The following PSMD7 variants were observed in gnomAD, a reference collection of about 807,000 sequenced individuals.
PSMD7 encodes the protein proteasome 26S subunit, non-ATPase 7, also known as 26S proteasome non-ATPase regulatory subunit 7.
Under a neutral mutation model 36.4 loss-of-function variants are expected in PSMD7, and 13 were observed. The ratio of observed to expected loss-of-function variants is 0.36; its 90% CI spans 0.23 to 0.57. PSMD7 has a LOEUF of 0.57. Among genes scored for constraint, PSMD7 ranks in the 20% least tolerant of loss-of-function variants. The pLI, the probability that PSMD7 is intolerant of heterozygous loss-of-function variation, is 0.83. For missense variants in PSMD7, 298 were observed against 393.6 expected (o/e 0.76, Z 2.06); for synonymous variants, 186 against 151.0 (o/e 1.23, Z -1.70).
intron 1 of PSMD7, chr16:74,299,444 ACTGTAGCTAG>A: frequency 2.6e-6 from 1 of 381,630 alleles, no homozygotes; most frequent in Non-Finnish European, 5.5e-6. Context: ...ATCTCAGCTC[ACTGTAGCTAG>A]CCTCAAACTC....
At chr16:74,300,815 C>A (rs2142562962) in intron 2 of PSMD7, among the ~76,000 whole-genome samples, 1 of 152,260 alleles carries the variant, frequency 6.6e-6, no homozygotes, top group South Asian at 2.1e-4. Context: ...GGGGGCAGCC[C>A]CTACCTGGCT....
At chr16:74,302,998 T>C (rs2034167128) in intron 5 of PSMD7, among the ~76,000 whole-genome samples, 1 of 152,236 alleles carries the variant, frequency 6.6e-6, no homozygotes, top group African/African-American at 2.4e-5. Flanking sequence ...CTTTCATCCC[T>C]GGTTTTGACC....
Position 74,300,204 on chromosome 16 carries a change from C to T in PSMD7, c.164C>T (p.Ala55Val). 1.2e-6 allele frequency: 2 copies of T among 1,612,270 alleles called. No individual in the cohort carries two copies. The highest frequency in any genetic ancestry group is 1.7e-6 in the Non-Finnish European group (2 of 1,178,308). Residue 55 changes from alanine to valine, a missense_variant and splice_region_variant, in exon 2 of 7, where the codon GCA (alanine) becomes GTA (valine). Ala to Val is a moderately conservative substitution (Grantham distance 64, BLOSUM62 0). Transcript: ENST00000219313. Reference sequence around the variant, plus strand: ...GTACTTGATGTATCGAACAGTTTTGCAGGTAAAAGACAAATTTTATGTTTT... The same window carrying T: ...GTACTTGATGTATCGAACAGTTTTGTAGGTAAAAGACAAATTTTATGTTTT... ...KKVLDVSNSF[A>V]VPFDEDDKDD...
In PSMD7 at chr16:74,300,208, TAA is replaced by T. The variant is rs2034144966; in HGVS notation, c.166+5_166+6del. 2.5e-6 allele frequency: 4 copies of T among 1,611,036 alleles called. No homozygotes were observed. The highest frequency in any genetic ancestry group is 3.4e-6 in the Non-Finnish European group (4 of 1,177,210). On this transcript the variant is annotated splice_donor_region_variant and intron_variant, in intron 2 of 6. Coordinates refer to ENST00000219313, the MANE Select transcript of PSMD7 (RefSeq NM_002811.5). ...TTGATGTATCGAACAGTTTTGCAGG[TAA>T]AAGACAAATTTTATGTTTTTCCGAG... is the stretch of plus-strand genomic sequence containing the variant.
intron 6 of PSMD7, chr16:74,305,057 T>G (rs935154280): frequency 3.5e-6 from 2 of 573,246 alleles, no homozygotes; most frequent in Non-Finnish European, 5.5e-6. Flanking sequence ...CTCCCTTTTA[T>G]AATTGTTTTT....
At chr16:74,301,017 A>G (rs1220635836) in intron 2 of PSMD7, 35 bp from the exon 3 acceptor site, 1 of 1,351,840 alleles carries the variant, frequency 7.4e-7, no homozygotes, top group Non-Finnish European at 1.1e-6. Flanking sequence ...GGTTTCTATC[A>G]AGCACCCTAA....
At chr16:74,299,653 C>G (rs1025329396) in intron 1 of PSMD7, 1 of 429,710 alleles carries the variant, frequency 2.3e-6, no homozygotes, top group Non-Finnish European at 4.8e-6. Flanking sequence ...CTCAGCCTCT[C>G]GAAGTGCTGG....
intron 1 of PSMD7, among the ~76,000 whole-genome samples, chr16:74,298,873 C>G (rs555242419): frequency 6.6e-6 from 1 of 152,126 alleles, no homozygotes; most frequent in Non-Finnish European, 1.5e-5. Context: ...GACCCTGTCT[C>G]AAAAACAAAG....
At position 74,296,826 on chromosome 16, in the gene PSMD7, A is replaced by C; in HGVS notation, c.-89A>C. 1 of 1,374,578 alleles carries C rather than the reference A, an allele frequency of 7.3e-7. No homozygotes were observed. The highest frequency in any genetic ancestry group is 1.0e-6 in the Non-Finnish European group (1 of 978,598). 85.1% of individuals were successfully genotyped at this position (1,374,578 alleles called of 1,614,324 possible). On this transcript the variant is annotated 5_prime_UTR_variant, in exon 1 of 7. Coordinates refer to ENST00000219313, the MANE Select transcript of PSMD7 (RefSeq NM_002811.5). ...GGGCTGACGAACCGGAAGAAGAGGA[A>C]CTGGGCCTGAAAGGGTACCGGTGAC...
intron 3 of PSMD7, 83 bp downstream of exon 3, chr16:74,301,227 A>G: frequency 1.1e-6 from 1 of 896,010 alleles, no homozygotes; most frequent in Non-Finnish European, 1.7e-6. Context: ...CTTTAACATC[A>G]AGGGCCCTTT....
chr16:74,300,381 A>G (rs2034146282), intron 2 of PSMD7, 175 bp downstream of exon 2: 1 of 626,868 alleles, frequency 1.6e-6, no homozygotes, highest in East Asian at 2.8e-5. Context: ...AATATTTTAA[A>G]CTTGCAGGCC....
intron 4 of PSMD7, 45 bp downstream of exon 4, chr16:74,301,697 C>T: frequency 1.3e-6 from 2 of 1,511,138 alleles, no homozygotes; most frequent in Non-Finnish European, 1.8e-6. Context: ...TTTTTTTTGC[C>T]AGCCAGCTCA....
rs760086027 is a variant in PSMD7 at position 74,296,926 on chromosome 16, G to A, written c.12G>A (p.Leu4=). 16 of 1,613,326 alleles carry A rather than the reference G, an allele frequency of 9.9e-6. No homozygotes were observed. The South Asian group carries it at 1.8e-4, about 18-fold the overall frequency. MPE[L]AVQKVVVHPL... ...CGGGGTGTGTCGCGATGCCGGAGCT[G>A]GCAGTGCAGAAGGTGGTGGTCCACC... The change falls in exon 1 of 7, where the codon CTG becomes CTA. Residue 4 remains leucine (L), a synonymous_variant. Coordinates refer to ENST00000219313, the MANE Select transcript of PSMD7 (RefSeq NM_002811.5).
chr16:74,297,529 G>C (rs1027379568), intron 1 of PSMD7, among the ~76,000 whole-genome samples: 2 of 151,794 alleles, frequency 1.3e-5, no homozygotes, highest in Non-Finnish European at 2.9e-5. Flanking sequence ...GATGATGCTT[G>C]GGTGGGGCGG....
chr16:74,305,868 ACT>A lies in PSMD7; in HGVS notation c.*138_*139del. ...CAACAAGAGCTCTCTGCCTCCGGTC[ACT>A]CTTGCTGTGGTGCTACGTGGAAGTG... On this transcript the variant is annotated 3_prime_UTR_variant, in exon 7 of 7. Transcript: ENST00000219313. 9.6e-7 allele frequency: 1 copy of A among 1,043,956 alleles called. No homozygotes were observed. The highest frequency in any genetic ancestry group is 1.3e-6 in the Non-Finnish European group (1 of 784,714). 64.7% of individuals were successfully genotyped at this position (1,043,956 alleles called of 1,614,324 possible). A position where few individuals can be genotyped will look rare whatever the true frequency, so the allele number is the denominator to read the frequency against.
chr16:74,298,366 G>C (rs1375030137), intron 1 of PSMD7, among the ~76,000 whole-genome samples: 4 of 152,184 alleles, frequency 2.6e-5, no homozygotes, highest in African/African-American at 9.7e-5. Context: ...TAAAGACCCA[G>C]TTCAGAGCAT....
intron 1 of PSMD7, 113 bp from the exon 2 acceptor site, chr16:74,300,002 C>T: frequency 2.2e-6 from 2 of 923,976 alleles, no homozygotes; most frequent in Non-Finnish European, 3.5e-6. Context: ...AGATTAGTTC[C>T]CAGGTAAACT....
At chr16:74,303,647 G>A (rs1346841509) in intron 5 of PSMD7, among the ~76,000 whole-genome samples, 1 of 152,100 alleles carries the variant, frequency 6.6e-6, no homozygotes, top group Non-Finnish European at 1.5e-5. Context: ...GACAAAAAAG[G>A]GCTAAAAGTT....
At chr16:74,302,179 G>A (rs776352908) in intron 4 of PSMD7, 33 bp from the exon 5 acceptor site, 6 of 1,576,692 alleles carry the variant, frequency 3.8e-6, no homozygotes, top group Non-Finnish European at 5.2e-6. Context: ...TGCTGGGCGT[G>A]AGATGACTTG....
Sources: gnomAD v4.1 joint callset for allele counts (sites outside exome capture counted in the v4.1 genomes callset) on GRCh38, gnomAD v4.1.1 for gene constraint, MANE v1.5 for transcripts, NCBI Gene and HGNC (gene_info 2026-07-23, HGNC 2026-07-21) for gene names.